TNK2: variants seen among roughly 807,000 people sequenced by gnomAD.
TNK2 encodes the protein tyrosine kinase non receptor 2.
A neutral mutation model predicts 101.8 loss-of-function variants in TNK2; 83 were observed. The observed-to-expected ratio is 0.82, with a 90% CI of 0.68 to 0.98. The LOEUF is 0.98. Ranked by LOEUF, TNK2 falls within the 50% of genes least tolerant of loss-of-function variation. The pLI is 0.00. For synonymous variants in TNK2, 804 were observed against 633.0 expected (o/e 1.27, Z -4.06); for missense variants, 1,665 against 1,483.2 (o/e 1.12, Z -2.01).
chr3:195,881,585 A>ACC lies in TNK2; in HGVS notation c.887+464_887+465dup, dbSNP rs373595202. ...AGGACACAGCATCTATCCCTGTAAC[A>ACC]CCCCCCCAGCGATGCCCCTTGAAGA... is the stretch of plus-strand genomic sequence containing the variant. On this transcript the variant is annotated intron_variant, in intron 6 of 15. Transcript: ENST00000672887. 2.8e-3 allele frequency among the ~76,000 whole-genome samples: 58 copies of ACC among 20,646 alleles called. 2 individuals are homozygous for ACC. The highest frequency in any genetic ancestry group is 0.015 in the African/African-American group (54 of 3,650). 13.5% of individuals were successfully genotyped at this position (20,646 alleles called of 152,430 possible).
In TNK2 at chr3:195,863,539, G is replaced by A. The variant is rs1738731925; in HGVS notation, c.*642C>T. 6.5e-6 allele frequency: 1 copy of A among 152,682 alleles called. No individual in the cohort carries two copies. The highest frequency in any genetic ancestry group is 2.4e-5 in the African/African-American group (1 of 41,422). 9.5% of individuals were successfully genotyped at this position (152,682 alleles called of 1,614,324 possible). A position where few individuals can be genotyped will look rare whatever the true frequency, so the allele number is the denominator to read the frequency against. On this transcript the variant is annotated 3_prime_UTR_variant, in exon 16 of 16. Transcript: ENST00000672887. ...TGCCCCTTGGTCTCCTTCCAGCCCTGGGGCCTTGGGCCCTGGTCCCCGCCA... is the reference window on the plus strand; with the variant it reads ...TGCCCCTTGGTCTCCTTCCAGCCCTAGGGCCTTGGGCCCTGGTCCCCGCCA...
chr3:195,883,351 T>G, intron 4 of TNK2, 42 bp from the exon 5 acceptor site: 2 of 1,606,400 alleles, frequency 1.2e-6, no homozygotes, highest in Non-Finnish European at 8.5e-7. Flanking sequence ...ACTTGCCAGG[T>G]CCCAGACACG....
chr3:195,892,571 C>G lies in TNK2; in HGVS notation c.-18-3965G>C, dbSNP rs1759011919. On this transcript the variant is annotated intron_variant, in intron 1 of 15. Transcript: ENST00000672887. Reference sequence around the variant, plus strand: ...GAGCTTCGCACTCTGCCCAGGAGCCCCCCAAATCCCACACCAGGGGTGGGA... The same window carrying G: ...GAGCTTCGCACTCTGCCCAGGAGCCGCCCAAATCCCACACCAGGGGTGGGA... 5.4e-5 allele frequency: 80 copies of G among 1,483,132 alleles called. 1 individual carries two copies. The South Asian group carries it at 1.0e-3, about 18-fold the overall frequency. 91.9% of individuals were successfully genotyped at this position (1,483,132 alleles called of 1,614,324 possible).
At chr3:195,873,648 G>A (rs1308330220) in intron 9 of TNK2, among the ~76,000 whole-genome samples, 1 of 152,176 alleles carries the variant, frequency 6.6e-6, no homozygotes, top group Admixed American at 6.5e-5. Flanking sequence ...GCGTGAAGAA[G>A]GGCTCCTCTG....
intron 1 of TNK2, among the ~76,000 whole-genome samples, chr3:195,907,400 G>C (rs1241888655): frequency 6.6e-6 from 1 of 152,238 alleles, no homozygotes; most frequent in Non-Finnish European, 1.5e-5. Context: ...ACCCAGTCTG[G>C]TTCGGGACAG....
chr3:195,896,481 G>A (rs1220052792), intron 1 of TNK2, among the ~76,000 whole-genome samples: 2 of 152,144 alleles, frequency 1.3e-5, no homozygotes, highest in African/African-American at 2.4e-5. Flanking sequence ...GCCCCCGAAC[G>A]CCTGCTTCTA....
At chr3:195,904,502 G>A (rs566228841) in intron 1 of TNK2, among the ~76,000 whole-genome samples, 5 of 152,074 alleles carry the variant, frequency 3.3e-5, no homozygotes, top group Non-Finnish European at 5.9e-5. Flanking sequence ...AGAGTCAGAA[G>A]GTAAAATGGT....
At chr3:195,864,404 G>A (rs1739150616) in intron 15 of TNK2, among the ~76,000 whole-genome samples, 1 of 152,090 alleles carries the variant, frequency 6.6e-6, no homozygotes, top group African/African-American at 2.4e-5. Flanking sequence ...AGAATCCGAA[G>A]ACGACAGGTG....
chr3:195,882,991 C>T lies in TNK2; in HGVS notation c.609+166G>A, dbSNP rs766973357. Among the ~76,000 whole-genome samples the T allele has an allele frequency of 2.0e-5, 3 of 152,198 alleles. No individual in the cohort carries two copies. Among genetic ancestry groups the T allele is most frequent in the Non-Finnish European group, 4.4e-5 (3 of 68,046 alleles). On this transcript the variant is annotated intron_variant, in intron 5 of 15. Transcript: ENST00000672887. The surrounding 1 kb of genome is among the most constrained non-coding windows in gnomAD (Gnocchi z 4.2). ...GACCCGGACTGGACCGCAGCAGACACAGCCCGTACCAGGCTGGGCCCCTGT... is the reference window on the plus strand; with the variant it reads ...GACCCGGACTGGACCGCAGCAGACATAGCCCGTACCAGGCTGGGCCCCTGT...
intron 1 of TNK2, chr3:195,895,124 G>T: frequency 1.1e-6 from 1 of 917,996 alleles, no homozygotes; most frequent in Non-Finnish European, 1.5e-6. Context: ...TCTGTCCCCT[G>T]GCCCAGGAGC....
intron 4 of TNK2, 77 bp downstream of exon 4, chr3:195,884,735 C>G: frequency 7.2e-7 from 1 of 1,380,026 alleles, no homozygotes; most frequent in Non-Finnish European, 1.0e-6. Flanking sequence ...CATCCACACC[C>G]TGGTTGGGGG....
chr3:195,869,663 G>C, intron 11 of TNK2, 122 bp from the exon 12 acceptor site: 1 of 1,013,874 alleles, frequency 9.9e-7, no homozygotes, highest in Non-Finnish European at 1.5e-6. Context: ...GAATGGGGGC[G>C]AGTGAATGTA....
Position 195,887,804 on chromosome 3 carries a change from C to T in TNK2, c.163+622G>A, listed in dbSNP as rs12632436. On this transcript the variant is annotated intron_variant, in intron 2 of 15. Coordinates refer to ENST00000672887, the MANE Select transcript of TNK2 (RefSeq NM_001382273.1). ...GCGCGTGTGTGTACATGTGTGTATG[C>T]CGTGCGTGTGCATGCGGGTGTGCGC... Among the ~76,000 whole-genome samples, 30 of 150,412 alleles carry T rather than the reference C, an allele frequency of 2.0e-4. No homozygotes were observed. The South Asian group carries it at 4.0e-3, about 20-fold the overall frequency.
chr3:195,892,266 A>G (rs945235660), intron 1 of TNK2: 15 of 809,986 alleles, frequency 1.9e-5, no homozygotes, highest in African/African-American at 8.7e-5. Flanking sequence ...GCCGCAGGAG[A>G]GGCCACTTGG....
At position 195,878,927 on chromosome 3, in the gene TNK2, G is replaced by T. The variant is rs1469441863; in HGVS notation, c.1014+122C>A. The stretch of plus-strand genomic sequence containing the variant: ...TGGTGGGAGGCACGGGAAGTGGGGG[G>T]AGGCACGGGGCGTGGGAGGAGGGAG... On this transcript the variant is annotated intron_variant, in intron 7 of 15. Transcript: ENST00000672887. The surrounding 1 kb of genome is among the most constrained non-coding windows in gnomAD (Gnocchi z 4.7). 3.3e-5 allele frequency: 48 copies of T among 1,469,318 alleles called. No individual in the cohort carries two copies. Among genetic ancestry groups the T allele is most frequent in the Non-Finnish European group, 4.4e-5 (48 of 1,085,514 alleles). The allele number at this position is 1,469,318 out of a possible 1,614,324, so 91.0% of individuals were successfully genotyped here. A position where few individuals can be genotyped will look rare whatever the true frequency, so the allele number is the denominator to read the frequency against.
rs528332827 is a variant in TNK2 at position 195,888,167 on chromosome 3, T to C, written c.163+259A>G. ...GAGGGGCAATGGAGGACATACACTC[T>C]ACGTGAGAACAATCACAACGGGGCA... On this transcript the variant is annotated intron_variant, in intron 2 of 15. Coordinates refer to ENST00000672887, the MANE Select transcript of TNK2 (RefSeq NM_001382273.1). The surrounding 1 kb of genome is among the most constrained non-coding windows in gnomAD (Gnocchi z 5.3). Among the ~76,000 whole-genome samples, 3 of 152,278 alleles carry C rather than the reference T, an allele frequency of 2.0e-5. No individual in the cohort carries two copies. Among genetic ancestry groups the C allele is most frequent in the Admixed American group, 6.5e-5 (1 of 15,300 alleles).
Position 195,868,196 on chromosome 3 carries a change from T to C in TNK2, c.2102A>G (p.Asn701Ser). The C allele has an allele frequency of 6.2e-7, 1 of 1,608,832 alleles. No homozygotes were observed. The highest frequency in any genetic ancestry group is 8.5e-7 in the Non-Finnish European group (1 of 1,178,830). Reference protein sequence around the residue: ...QARPPPPLEDNLFLPPQGGGK... With the variant: ...QARPPPPLEDSLFLPPQGGGK... Reference sequence around the variant, plus strand: ...CCCACCCTGGGGCGGGAGGAACAGGTTGTCCTCCAGGGGAGGGGGCGGCCG... The same window carrying C: ...CCCACCCTGGGGCGGGAGGAACAGGCTGTCCTCCAGGGGAGGGGGCGGCCG... Residue 701 changes from asparagine (N) to serine (S), a missense_variant, in exon 13 of 16, where the codon AAC (asparagine) becomes AGC (serine). Physicochemically the swap from Asn to Ser is conservative, Grantham distance 46. Transcript: ENST00000672887.
At chr3:195,907,345 CAGCT>C (rs1290811546) in intron 1 of TNK2, among the ~76,000 whole-genome samples, 1 of 152,204 alleles carries the variant, frequency 6.6e-6, no homozygotes, top group Non-Finnish European at 1.5e-5. Flanking sequence ...GCTCCTCCAG[CAGCT>C]GCTACCTCCA....
chr3:195,893,942 G>A (rs894252947), intron 1 of TNK2, among the ~76,000 whole-genome samples: 2 of 152,164 alleles, frequency 1.3e-5, no homozygotes, highest in African/African-American at 4.8e-5. Flanking sequence ...TCCAGGAGGT[G>A]GGGAGAAGGA....
Sources: gnomAD v4.1 joint callset for allele counts (sites outside exome capture counted in the v4.1 genomes callset) on GRCh38, gnomAD v4.1.1 for gene constraint, Gnocchi (gnomAD v3.1) non-coding constraint, MANE v1.5 for transcripts, NCBI Gene and HGNC (gene_info 2026-07-23, HGNC 2026-07-21) for gene names.